Variants in CDH2 observed in about 807,000 individuals in gnomAD.
CDH2 encodes the protein cadherin-2.
CDH2 carries 17 observed loss-of-function variants against 92.0 expected under a neutral mutation model. The observed-to-expected ratio is 0.18, with a 90% confidence interval of 0.13 to 0.28. CDH2 has a LOEUF of 0.28. CDH2 is among the 10% of genes least tolerant of loss of function. The probability of loss-of-function intolerance (pLI) is 1.00; values close to 1 mark genes in which losing one functional copy is unlikely to be tolerated. For synonymous variants in CDH2, 419 were observed against 415.9 expected (o/e 1.01, Z -0.09); for missense variants, 862 against 1,133.1 (o/e 0.76, Z 3.44).
intron 1 of CDH2, among the ~76,000 whole-genome samples, chr18:28,172,332 C>T (rs544074958): frequency 1.0e-3 from 156 of 152,202 alleles, no homozygotes; most frequent in African/African-American, 3.6e-3. Flanking sequence ...CTACTTTAGA[C>T]CTATCACTTC....
intron 2 of CDH2, among the ~76,000 whole-genome samples, chr18:28,099,139 T>C (rs1290083580): frequency 6.6e-6 from 1 of 152,210 alleles, no homozygotes; most frequent in East Asian, 1.9e-4. Flanking sequence ...TTACCTATTC[T>C]AATTATCTAC....
chr18:28,148,311 A>G (rs1299426607), intron 1 of CDH2, among the ~76,000 whole-genome samples: 1 of 152,216 alleles, frequency 6.6e-6, no homozygotes, highest in Non-Finnish European at 1.5e-5. Context: ...AAACCAATCA[A>G]AACTATATAT....
chr18:27,976,119 A>C (rs1038332695), intron 14 of CDH2, among the ~76,000 whole-genome samples: 1 of 152,174 alleles, frequency 6.6e-6, no homozygotes, highest in African/African-American at 2.4e-5. Flanking sequence ...GCAAACAGGG[A>C]CAGAAGTACT....
intron 2 of CDH2, among the ~76,000 whole-genome samples, chr18:28,146,867 T>C (rs2016043528): frequency 6.6e-6 from 1 of 152,166 alleles, no homozygotes; most frequent in Non-Finnish European, 1.5e-5. Context: ...CACAACTTAC[T>C]AATCAATTCT....
At chr18:28,129,090 A>T (rs1017713959) in intron 2 of CDH2, among the ~76,000 whole-genome samples, 1 of 152,188 alleles carries the variant, frequency 6.6e-6, no homozygotes, top group Non-Finnish European at 1.5e-5. Flanking sequence ...ATCGTATGTT[A>T]AGTAATTTTT....
chr18:28,023,168 A>C (rs1245433716), intron 2 of CDH2, among the ~76,000 whole-genome samples: 1 of 152,170 alleles, frequency 6.6e-6, no homozygotes, highest in Non-Finnish European at 1.5e-5. Context: ...CTTATATGGA[A>C]TCACGATTTA....
At chr18:27,967,255 C>T (rs958463489) in intron 14 of CDH2, among the ~76,000 whole-genome samples, 4 of 152,140 alleles carry the variant, frequency 2.6e-5, no homozygotes, top group African/African-American at 7.2e-5. Context: ...AAGTATCCTC[C>T]GGCCACAGGG....
rs567095265 is a variant in CDH2 at position 28,111,393 on chromosome 18, T to C, written c.172+36280A>G. 7.2e-5 allele frequency among the ~76,000 whole-genome samples: 11 copies of C among 152,328 alleles called. No homozygotes were observed. In the South Asian group the frequency reaches 2.3e-3, roughly 32 times the overall value. On this transcript the variant is annotated intron_variant, in intron 2 of 15. Coordinates refer to ENST00000269141, the MANE Select transcript of CDH2 (RefSeq NM_001792.5). ...AGTTAGCATAACTTTGGAACAGAAG[T>C]GGCTTTTTAAAAGACTGAAAACATG... is the stretch of plus-strand genomic sequence containing the variant.
intron 2 of CDH2, among the ~76,000 whole-genome samples, chr18:28,083,983 G>A (rs1471476567): frequency 6.6e-6 from 1 of 152,172 alleles, no homozygotes; most frequent in Non-Finnish European, 1.5e-5. Flanking sequence ...CGCATTTAGA[G>A]AGCTGTGTCT....
At chr18:28,058,987 C>T (rs1369916863) in intron 2 of CDH2, among the ~76,000 whole-genome samples, 1 of 152,150 alleles carries the variant, frequency 6.6e-6, no homozygotes, top group Admixed American at 6.5e-5. Context: ...TGTAGCTTAT[C>T]TATTTGATTT....
chr18:28,158,165 A>G (rs1170039817), intron 1 of CDH2, among the ~76,000 whole-genome samples: 2 of 152,184 alleles, frequency 1.3e-5, no homozygotes, highest in East Asian at 3.9e-4. Flanking sequence ...AGTCCCTGAT[A>G]AGATAAACAC....
chr18:28,063,126 T>C (rs2144149948), intron 2 of CDH2, among the ~76,000 whole-genome samples: 1 of 152,360 alleles, frequency 6.6e-6, no homozygotes, highest in Admixed American at 6.5e-5. Context: ...TATGGTGATT[T>C]TTTTATAATA....
intron 2 of CDH2, among the ~76,000 whole-genome samples, chr18:28,138,685 C>A (rs138648411): frequency 6.6e-6 from 1 of 152,006 alleles, no homozygotes; most frequent in African/African-American, 2.4e-5. Flanking sequence ...ACCACTATTG[C>A]GCAGTTCCTT....
chr18:28,110,009 G>A (rs1301427859), intron 2 of CDH2, among the ~76,000 whole-genome samples: 2 of 152,128 alleles, frequency 1.3e-5, no homozygotes, highest in Non-Finnish European at 2.9e-5. Flanking sequence ...AATTGTCATG[G>A]CAAGAGCATA....
chr18:28,144,317 T>C (rs1238934947), intron 2 of CDH2, among the ~76,000 whole-genome samples: 1 of 151,886 alleles, frequency 6.6e-6, no homozygotes, highest in East Asian at 1.9e-4. Context: ...ATACAAAAAT[T>C]GATCCTAATT....
At chr18:27,970,135 AC>A (rs2011621568) in intron 14 of CDH2, among the ~76,000 whole-genome samples, 1 of 152,246 alleles carries the variant, frequency 6.6e-6, no homozygotes, top group South Asian at 2.1e-4. Context: ...ATGCAGAGGA[AC>A]AGGGCTTCAG....
chr18:28,065,233 T>A (rs1389214084), intron 2 of CDH2, among the ~76,000 whole-genome samples: 1 of 152,140 alleles, frequency 6.6e-6, no homozygotes, highest in Non-Finnish European at 1.5e-5. Flanking sequence ...TGACATTTCA[T>A]TGTTAAGAGA....
chr18:27,978,612 G>GC (rs2011931244), intron 14 of CDH2, among the ~76,000 whole-genome samples: 1 of 19,486 alleles, frequency 5.1e-5, no homozygotes, highest in South Asian at 1.6e-3. Flanking sequence ...ATATGTAGTT[G>GC]GGGGGGGGGA....
At chr18:28,128,012 CA>C (rs1316921791) in intron 2 of CDH2, among the ~76,000 whole-genome samples, 1 of 152,086 alleles carries the variant, frequency 6.6e-6, no homozygotes, top group Admixed American at 6.5e-5. Context: ...ACAGATGATC[CA>C]TTGATCATGA....
Sources: allele counts gnomAD v4.1 joint callset (sites outside exome capture counted in the v4.1 genomes callset), GRCh38; gene constraint gnomAD v4.1.1; transcripts MANE v1.5; gene names NCBI Gene and HGNC (gene_info 2026-07-23, HGNC 2026-07-21).